Variants in LRRC37A2 observed in about 807,000 individuals in gnomAD.
The protein encoded by LRRC37A2 is leucine-rich repeat-containing protein 37A2.
In LRRC37A2, 9 loss-of-function variants were observed where a neutral mutation model predicts 68.8. The ratio of observed to expected loss-of-function variants is 0.13; its 90% CI spans 0.08 to 0.23. The LOEUF (loss-of-function observed/expected upper bound fraction) is 0.23. Ranked by LOEUF, LRRC37A2 falls within the 10% of genes least tolerant of loss-of-function variation. LRRC37A2 has a pLI of 1.00. For synonymous variants in LRRC37A2, 63 were observed against 367.6 expected, an observed-to-expected ratio of 0.17 and a Z score of 9.48; for missense variants, 168 against 950.4, an observed-to-expected ratio of 0.18 and a Z score of 10.82.
the LRRC37A2 span, among the ~76,000 whole-genome samples, chr17:46,488,691 C>G: frequency 7.1e-6 from 1 of 140,674 alleles, no homozygotes. Flanking sequence ...GGTGACAGAA[C>G]GAGACTCTGT....
chr17:46,737,468 C>G, the LRRC37A2 span, among the ~76,000 whole-genome samples: 1 of 152,040 alleles, frequency 6.6e-6, no homozygotes, highest in African/African-American at 2.4e-5. Flanking sequence ...AAGAGGGTGC[C>G]TTTTAGCTCA....
the LRRC37A2 span, among the ~76,000 whole-genome samples, chr17:46,461,090 C>G: frequency 9.1e-5 from 6 of 66,092 alleles, 2 homozygotes; most frequent in Non-Finnish European, 2.0e-4. Flanking sequence ...TTCAAATAAG[C>G]AACAACTAGC....
the LRRC37A2 span, among the ~76,000 whole-genome samples, chr17:46,748,307 CGCCATGTTGGTCAG>C: frequency 6.6e-6 from 1 of 152,022 alleles, no homozygotes; most frequent in Non-Finnish European, 1.5e-5. Flanking sequence ...GATGGGGTTT[CGCCATGTTGGTCAG>C]GCTGGTCTCA....
chr17:46,838,912 C>G, the LRRC37A2 span, among the ~76,000 whole-genome samples: 1 of 152,138 alleles, frequency 6.6e-6, no homozygotes, highest in African/African-American at 2.4e-5. Flanking sequence ...GAGTCGCACT[C>G]TGTCGCCCAG....
the LRRC37A2 span, among the ~76,000 whole-genome samples, chr17:46,854,733 T>C: frequency 6.6e-6 from 1 of 152,184 alleles, no homozygotes; most frequent in African/African-American, 2.4e-5. Context: ...TGATCTCGGC[T>C]CACTGCAACC....
At chr17:46,869,206 C>T in the LRRC37A2 span, among the ~76,000 whole-genome samples, 1 of 152,184 alleles carries the variant, frequency 6.6e-6, no homozygotes, top group Non-Finnish European at 1.5e-5. Context: ...AGTGTCATTA[C>T]CACTAATAAA....
chr17:46,856,633 G>T, the LRRC37A2 span, among the ~76,000 whole-genome samples: 1 of 151,802 alleles, frequency 6.6e-6, no homozygotes, highest in Admixed American at 6.6e-5. Context: ...ACAAGTGTGC[G>T]CCACCATGCC....
chr17:46,895,518 T>C, the LRRC37A2 span, among the ~76,000 whole-genome samples: 1 of 152,220 alleles, frequency 6.6e-6, no homozygotes, highest in African/African-American at 2.4e-5. Context: ...GTGCTTGACA[T>C]GGTGCCTGGC....
the LRRC37A2 span, among the ~76,000 whole-genome samples, chr17:46,926,632 A>G: frequency 6.6e-6 from 1 of 152,126 alleles, no homozygotes. Context: ...CCAGTGTGTT[A>G]TGTTGTGTTA....
the LRRC37A2 span, among the ~76,000 whole-genome samples, chr17:46,772,578 T>A: frequency 6.6e-6 from 1 of 152,236 alleles, no homozygotes; most frequent in African/African-American, 2.4e-5. Context: ...GCCAAATCTT[T>A]TATGTCAACA....
chr17:46,519,215 G>T (rs1309158097), intron 3 of LRRC37A2, among the ~76,000 whole-genome samples: 3 of 150,426 alleles, frequency 2.0e-5, no homozygotes, highest in Non-Finnish European at 2.9e-5. Flanking sequence ...CGGGTTCAAG[G>T]GATTCTCCTG....
chr17:46,887,280 T>C, the LRRC37A2 span, among the ~76,000 whole-genome samples: 1 of 152,260 alleles, frequency 6.6e-6, no homozygotes, highest in African/African-American at 2.4e-5. Flanking sequence ...AAAATTGAAA[T>C]TGGGATCCAT....
the LRRC37A2 span, among the ~76,000 whole-genome samples, chr17:46,986,461 T>C: frequency 6.6e-6 from 1 of 152,118 alleles, no homozygotes; most frequent in Non-Finnish European, 1.5e-5. Flanking sequence ...CTTCCAACTG[T>C]AGGGTGTAAT....
At chr17:46,851,016 G>T in the LRRC37A2 span, among the ~76,000 whole-genome samples, 1 of 152,178 alleles carries the variant, frequency 6.6e-6, no homozygotes, top group Admixed American at 6.5e-5. The surrounding 1 kb of genome is among the most constrained non-coding windows in gnomAD (Gnocchi z 4.3). Flanking sequence ...AAGACTCTTT[G>T]CCTGGCAACA....
At chr17:46,850,943 T>C in the LRRC37A2 span, among the ~76,000 whole-genome samples, 1 of 152,168 alleles carries the variant, frequency 6.6e-6, no homozygotes, top group South Asian at 2.1e-4. Context: ...GCTGCGCGCC[T>C]CGCCGGTAAC....
chr17:46,874,788 G>A, the LRRC37A2 span, among the ~76,000 whole-genome samples: 16 of 152,222 alleles, frequency 1.1e-4, no homozygotes, highest in African/African-American at 3.6e-4. Context: ...ATATTGGCCA[G>A]ACTGGTCTTG....
chr17:46,740,396 G>T, the LRRC37A2 span, among the ~76,000 whole-genome samples: 258 of 152,280 alleles, frequency 1.7e-3, 1 homozygote, highest in African/African-American at 5.8e-3. Flanking sequence ...ATAAACAAAT[G>T]CTATGGATAA....
intron 8 of LRRC37A2, among the ~76,000 whole-genome samples, chr17:46,545,844 T>C (rs1035083603): frequency 6.7e-6 from 1 of 150,258 alleles, no homozygotes; most frequent in African/African-American, 2.5e-5. Flanking sequence ...CTATTTTTAA[T>C]GCCCAGAGTA....
chr17:47,046,176 A>G, the LRRC37A2 span, among the ~76,000 whole-genome samples: 1 of 131,636 alleles, frequency 7.6e-6, no homozygotes, highest in African/African-American at 2.8e-5. Context: ...AAAATACAAA[A>G]GTACAAAAAA....
Sources: gnomAD v4.1 joint callset for allele counts (sites outside exome capture counted in the v4.1 genomes callset) on GRCh38, gnomAD v4.1.1 for gene constraint, Gnocchi (gnomAD v3.1) non-coding constraint, MANE v1.5 for transcripts, NCBI Gene and HGNC (gene_info 2026-07-23, HGNC 2026-07-21) for gene names.